GLYATL2: variants seen among roughly 807,000 people sequenced by gnomAD.
GLYATL2 encodes glycine N-acyltransferase-like protein 2.
A neutral mutation model predicts 21.4 loss-of-function variants in GLYATL2; 25 were observed. That is an observed-to-expected ratio of 1.17 (90% CI 0.85 to 1.63). GLYATL2 has a LOEUF of 1.63. Among genes scored for constraint, GLYATL2 ranks in the 40% most tolerant of loss-of-function variants. The pLI is 0.00. For missense variants in GLYATL2, 361 were observed against 343.3 expected (o/e 1.05, Z -0.41); for synonymous variants, 114 against 118.2 (o/e 0.96, Z 0.23).
intron 1 of GLYATL2, among the ~76,000 whole-genome samples, chr11:58,873,861 G>C (rs1195060101): frequency 1.3e-5 from 2 of 152,176 alleles, no homozygotes; most frequent in Non-Finnish European, 2.9e-5. Flanking sequence ...AGAAGGAATG[G>C]TACCAGCTCC....
Position 58,864,006 on chromosome 11 carries a change from T to C in GLYATL2, n.61-25638A>G, listed in dbSNP as rs191419986. ...GCTTGCCAGATACCTAGCTAAGAGATAAGGCTAGGGCTGCCAACCTGGAAC... is the reference window on the plus strand; with the variant it reads ...GCTTGCCAGATACCTAGCTAAGAGACAAGGCTAGGGCTGCCAACCTGGAAC... On this transcript the variant is annotated intron_variant and non_coding_transcript_variant, in intron 1 of 4. Coordinates refer to the GLYATL2 transcript ENST00000533636. Among the ~76,000 whole-genome samples, 714 of 152,106 alleles carry C rather than the reference T, an allele frequency of 4.7e-3. 6 individuals are homozygous for C. Among genetic ancestry groups the C allele is most frequent in the African/African-American group, 0.016 (678 of 41,482 alleles).
intron 1 of GLYATL2, among the ~76,000 whole-genome samples, chr11:58,881,673 G>C (rs184461934): frequency 2.9e-4 from 44 of 152,116 alleles, no homozygotes; most frequent in Admixed American, 1.8e-3. Flanking sequence ...GTGCCATGTT[G>C]GTGTGCTGCA....
intron 1 of GLYATL2, among the ~76,000 whole-genome samples, chr11:58,877,490 G>A (rs1854258230): frequency 6.6e-6 from 1 of 152,196 alleles, no homozygotes. Context: ...GGATACAAAT[G>A]AGAGCCAATG....
upstream of GLYATL2, among the ~76,000 whole-genome samples, chr11:58,849,666 G>T (rs1475625581): frequency 6.6e-6 from 1 of 152,126 alleles, no homozygotes; most frequent in Admixed American, 6.5e-5. Flanking sequence ...TGCAGGAGAA[G>T]GCAGCAAACT....
At chr11:58,878,378 A>G (rs1854275706) in intron 1 of GLYATL2, 1 of 639,924 alleles carries the variant, frequency 1.6e-6, no homozygotes, top group Middle Eastern at 3.4e-4. Context: ...GCTGAGGATC[A>G]TAGGTAAGCT....
chr11:58,875,704 T>C (rs940346197), intron 1 of GLYATL2, among the ~76,000 whole-genome samples: 6 of 152,328 alleles, frequency 3.9e-5, no homozygotes, highest in Non-Finnish European at 7.3e-5. Context: ...CTGACCTTTC[T>C]CTCTGGCTGC....
upstream of GLYATL2, among the ~76,000 whole-genome samples, chr11:58,845,581 C>G (rs1488813033): frequency 6.6e-6 from 1 of 152,014 alleles, no homozygotes; most frequent in Non-Finnish European, 1.5e-5. Context: ...GCCTGGGGAA[C>G]AGGGTGAGAT....
intron 2 of GLYATL2, 60 bp from the exon 3 acceptor site, chr11:58,838,428 T>C (rs1199011433): frequency 3.8e-6 from 4 of 1,055,264 alleles, no homozygotes; most frequent in Admixed American, 3.9e-5. Context: ...TAGAGTCTTA[T>C]ATGTGGAGAA....
At chr11:58,863,174 G>C (rs138548139) in intron 1 of GLYATL2, among the ~76,000 whole-genome samples, 172 of 152,326 alleles carry the variant, frequency 1.1e-3, no homozygotes, top group African/African-American at 4.0e-3. Context: ...TATAAAGGCA[G>C]GCATGCAGCC....
upstream of GLYATL2, among the ~76,000 whole-genome samples, chr11:58,849,221 T>C (rs567164536): frequency 3.3e-5 from 5 of 152,048 alleles, no homozygotes; most frequent in Non-Finnish European, 5.9e-5. Context: ...GGAACATTAG[T>C]GAGCAATAAA....
At chr11:58,908,371 G>GC, upstream of GLYATL2, 1 of 153,066 alleles carries the variant, frequency 6.5e-6, no homozygotes, top group East Asian at 1.9e-4. Flanking sequence ...TTGTTTTTTT[G>GC]TTTTTTTAGA....
chr11:58,909,544 A>C, the GLYATL2 span, among the ~76,000 whole-genome samples: 34 of 152,332 alleles, frequency 2.2e-4, no homozygotes, highest in Admixed American at 1.9e-3. Context: ...GTATGTCTAA[A>C]ACTAATTTAT....
intron 1 of GLYATL2, among the ~76,000 whole-genome samples, chr11:58,861,452 CT>C (rs775503312): frequency 1.3e-5 from 2 of 151,512 alleles, no homozygotes; most frequent in Admixed American, 6.6e-5. Context: ...TTATTTTTAT[CT>C]TTTTTTCTTT....
At chr11:58,840,827 A>G (rs530314326) in intron 1 of GLYATL2, 1 of 131,026 alleles carries the variant, frequency 7.6e-6, no homozygotes, top group South Asian at 2.5e-4. Flanking sequence ...TGACAGTGTG[A>G]GACTCTATCT....
intron 1 of GLYATL2, among the ~76,000 whole-genome samples, chr11:58,871,424 T>C (rs1424319127): frequency 2.2e-5 from 3 of 135,792 alleles, no homozygotes; most frequent in African/African-American, 8.1e-5. Flanking sequence ...CCTAGTGCTA[T>C]CCCTCCCCCC....
At chr11:58,855,657 T>A (rs1186943987) in intron 1 of GLYATL2, among the ~76,000 whole-genome samples, 5 of 152,242 alleles carry the variant, frequency 3.3e-5, no homozygotes, top group Non-Finnish European at 5.9e-5. Flanking sequence ...TGTCTTCCCC[T>A]TTCCAGCTCT....
upstream of GLYATL2, among the ~76,000 whole-genome samples, chr11:58,845,860 C>T (rs948363805): frequency 6.6e-6 from 1 of 152,094 alleles, no homozygotes; most frequent in Non-Finnish European, 1.5e-5. Flanking sequence ...TATCTTCTTA[C>T]AAACCTAAAT....
upstream of GLYATL2, chr11:58,905,590 T>C: frequency 2.2e-6 from 1 of 456,220 alleles, no homozygotes; most frequent in Non-Finnish European, 4.4e-6. Flanking sequence ...AACCCCTCCT[T>C]GGCTTCCACT....
At chr11:58,891,459 T>C (rs1300482501) in intron 1 of GLYATL2, among the ~76,000 whole-genome samples, 1 of 152,244 alleles carries the variant, frequency 6.6e-6, no homozygotes. Flanking sequence ...AGTAGGCTGA[T>C]ATCCTGTAGC....
Sources: gnomAD v4.1 joint callset for allele counts (sites outside exome capture counted in the v4.1 genomes callset) on GRCh38, gnomAD v4.1.1 for gene constraint, MANE v1.5 for transcripts, NCBI Gene and HGNC (gene_info 2026-07-23, HGNC 2026-07-21) for gene names.